HMGA2: variants seen among roughly 807,000 people sequenced by gnomAD.
The protein encoded by HMGA2 is high mobility group AT-hook 2, also known as high mobility group protein HMGI-C.
HMGA2 carries 8 observed loss-of-function variants against 19.1 expected under a neutral mutation model. The ratio of observed to expected loss-of-function variants is 0.42; its 90% CI spans 0.25 to 0.76. The LOEUF (loss-of-function observed/expected upper bound fraction) is 0.76, where lower values mean the gene tolerates loss of function less well. HMGA2 is among the 30% of genes least tolerant of loss of function. The pLI, the probability that HMGA2 is intolerant of heterozygous loss-of-function variation, is 0.28. For missense variants in HMGA2, 109 were observed against 136.3 expected (o/e 0.80, Z 1.00); for synonymous variants, 60 against 48.8 (o/e 1.23, Z -0.96).
At chr12:65,942,131 T>G (rs1344077947) in intron 3 of HMGA2, among the ~76,000 whole-genome samples, 1 of 152,230 alleles carries the variant, frequency 6.6e-6, no homozygotes, top group Non-Finnish European at 1.5e-5. Context: ...TTTCCATTAT[T>G]TCATAGATGC....
chr12:65,829,564 T>C (rs1336469824), intron 2 of HMGA2, among the ~76,000 whole-genome samples: 1 of 152,054 alleles, frequency 6.6e-6, no homozygotes, highest in Non-Finnish European at 1.5e-5. Context: ...GTTAGATAGC[T>C]GACACGCATT....
chr12:65,836,958 C>A (rs1870758862), intron 2 of HMGA2, among the ~76,000 whole-genome samples: 1 of 152,160 alleles, frequency 6.6e-6, no homozygotes, highest in Admixed American at 6.5e-5. Context: ...AGGCTAGGAG[C>A]ACAGTCTTTA....
At chr12:65,923,280 A>G (rs939775476) in intron 3 of HMGA2, among the ~76,000 whole-genome samples, 1 of 152,174 alleles carries the variant, frequency 6.6e-6, no homozygotes, top group Non-Finnish European at 1.5e-5. Context: ...AAATAAAAGA[A>G]CATGGTTCTG....
At chr12:65,940,781 G>A (rs1034781731) in intron 3 of HMGA2, among the ~76,000 whole-genome samples, 3 of 152,142 alleles carry the variant, frequency 2.0e-5, no homozygotes, top group Non-Finnish European at 4.4e-5. Context: ...GTCAATTACT[G>A]TCTTTTGGAT....
chr12:65,926,214 A>T (rs1875499485), intron 3 of HMGA2, among the ~76,000 whole-genome samples: 1 of 152,214 alleles, frequency 6.6e-6, no homozygotes. Context: ...AGTAAGCGAG[A>T]GATAACAACA....
intron 3 of HMGA2, among the ~76,000 whole-genome samples, chr12:65,935,595 T>A (rs183262230): frequency 6.6e-6 from 1 of 152,292 alleles, no homozygotes; most frequent in African/African-American, 2.4e-5. Context: ...ATCTGTCAAC[T>A]CTTTAACAGC....
intron 3 of HMGA2, among the ~76,000 whole-genome samples, chr12:65,926,444 G>A (rs973154648): frequency 4.6e-5 from 7 of 152,196 alleles, no homozygotes; most frequent in African/African-American, 1.7e-4. Flanking sequence ...TGGGGAGAGG[G>A]AGGCAGAGGA....
chr12:65,901,318 G>C (rs879448779), intron 3 of HMGA2, among the ~76,000 whole-genome samples: 2 of 152,196 alleles, frequency 1.3e-5, no homozygotes, highest in African/African-American at 4.8e-5. Context: ...CTATCATCCG[G>C]TTTAACAAAG....
chr12:65,844,137 G>C (rs1280285298), intron 3 of HMGA2, among the ~76,000 whole-genome samples: 1 of 151,022 alleles, frequency 6.6e-6, no homozygotes, highest in African/African-American at 2.4e-5. Flanking sequence ...TTGCAACTTT[G>C]TACTGGAGTC....
chr12:65,920,704 C>A (rs1033539856), intron 3 of HMGA2, among the ~76,000 whole-genome samples: 6 of 152,174 alleles, frequency 3.9e-5, no homozygotes, highest in Non-Finnish European at 7.3e-5. Context: ...AAGTGCCGTT[C>A]GCCTCCCGCT....
intron 3 of HMGA2, among the ~76,000 whole-genome samples, chr12:65,947,182 T>C (rs1259646469): frequency 6.6e-6 from 1 of 151,802 alleles, no homozygotes; most frequent in Admixed American, 6.6e-5. Context: ...TGCAATGGTG[T>C]GATCATAGCT....
At chr12:65,834,578 C>CCCTCCCTT (rs895107439) in intron 2 of HMGA2, among the ~76,000 whole-genome samples, 27 of 139,312 alleles carry the variant, frequency 1.9e-4, no homozygotes, top group Admixed American at 8.7e-4. Context: ...CTCCCTCACT[C>CCCTCCCTT]CCTCCCTTCC....
chr12:65,932,954 T>C (rs1209050737), intron 3 of HMGA2, among the ~76,000 whole-genome samples: 2 of 152,204 alleles, frequency 1.3e-5, no homozygotes, highest in Non-Finnish European at 2.9e-5. Flanking sequence ...AAAACATCAG[T>C]GATTTTGGCA....
Position 65,824,723 on chromosome 12 carries a change from C to CTCTCTCTCTG in HMGA2, c.-539_-538insGTCTCTCTCT, listed in dbSNP as rs1555179135. 1.0e-3 allele frequency: 129 copies of CTCTCTCTCTG among 128,118 alleles called. 3 individuals carry two copies. The highest frequency in any genetic ancestry group is 3.3e-3 in the African/African-American group (87 of 26,226). The allele number at this position is 128,118 out of a possible 1,614,324, so 7.9% of individuals were successfully genotyped here. A position where few individuals can be genotyped will look rare whatever the true frequency, so the allele number is the denominator to read the frequency against. On this transcript the variant is annotated 5_prime_UTR_variant, in exon 1 of 5. Coordinates refer to ENST00000403681, the MANE Select transcript of HMGA2 (RefSeq NM_003483.6). Reference sequence around the variant, plus strand: ...TTCAATCTCAATCTCTTCTCTCTCTCTCTCTCTCTCTCTCTCTCTCTCTCT... The same window carrying CTCTCTCTCTG: ...TTCAATCTCAATCTCTTCTCTCTCTCTCTCTCTCTGTCTCTCTCTCTCTCTCTCTCTCTCT...
At chr12:65,866,420 G>A (rs1872414922) in intron 3 of HMGA2, among the ~76,000 whole-genome samples, 1 of 152,342 alleles carries the variant, frequency 6.6e-6, no homozygotes, top group South Asian at 2.1e-4. Context: ...TGGACTTGAT[G>A]GAGGAGGTCA....
intron 3 of HMGA2, among the ~76,000 whole-genome samples, chr12:65,899,807 G>A (rs1293501142): frequency 5.9e-5 from 9 of 152,160 alleles, no homozygotes; most frequent in Non-Finnish European, 1.3e-4. Flanking sequence ...ATATCCCACT[G>A]CATCTTAGGA....
At chr12:65,860,947 G>C (rs190079396) in intron 3 of HMGA2, among the ~76,000 whole-genome samples, 112 of 152,316 alleles carry the variant, frequency 7.4e-4, no homozygotes, top group Non-Finnish European at 6.3e-4. Context: ...CATAGGCTAA[G>C]CTGAAGCTGC....
intron 3 of HMGA2, among the ~76,000 whole-genome samples, chr12:65,905,524 C>G (rs1874555004): frequency 6.6e-6 from 1 of 152,092 alleles, no homozygotes; most frequent in African/African-American, 2.4e-5. Context: ...AAGCAGAAGA[C>G]AAATAAAATA....
chr12:65,831,054 C>T (rs1171839724), intron 2 of HMGA2: 1 of 151,794 alleles, frequency 6.6e-6, no homozygotes, highest in Non-Finnish European at 1.5e-5. Context: ...TAAAGTTTTC[C>T]TGAATAATTC....
Sources: allele counts gnomAD v4.1 joint callset (sites outside exome capture counted in the v4.1 genomes callset), GRCh38; gene constraint gnomAD v4.1.1; transcripts MANE v1.5; gene names NCBI Gene and HGNC (gene_info 2026-07-23, HGNC 2026-07-21).